RBFOX1: variants seen among roughly 807,000 people sequenced by gnomAD.
The protein encoded by RBFOX1 is RNA binding protein fox-1 homolog 1.
A neutral mutation model predicts 57.7 loss-of-function variants in RBFOX1; 8 were observed. The ratio of observed to expected loss-of-function variants is 0.14; its 90% CI spans 0.08 to 0.25. The LOEUF (loss-of-function observed/expected upper bound fraction) is 0.25. Among genes scored for constraint, RBFOX1 ranks in the 10% least tolerant of loss-of-function variants. RBFOX1 has a pLI of 1.00. For missense variants in RBFOX1, 611 were observed against 548.5 expected, an observed-to-expected ratio of 1.11 and a Z score of -1.14; for synonymous variants, 326 against 222.4, an observed-to-expected ratio of 1.47 and a Z score of -4.15.
At chr16:6,428,543 T>C (rs2093993020) in intron 2 of RBFOX1, among the ~76,000 whole-genome samples, 2 of 152,156 alleles carry the variant, frequency 1.3e-5, no homozygotes, top group Admixed American at 1.3e-4. Context: ...ATCTGTAAAA[T>C]GGAAGTAATT....
chr16:6,556,983 GTATA>G (rs2097106507), intron 2 of RBFOX1, among the ~76,000 whole-genome samples: 1 of 136,916 alleles, frequency 7.3e-6, no homozygotes, highest in South Asian at 2.4e-4. Flanking sequence ...ACACACATAC[GTATA>G]TATACATACA....
chr16:7,479,111 T>G (rs1177112714), intron 4 of RBFOX1, among the ~76,000 whole-genome samples: 1 of 24,990 alleles, frequency 4.0e-5, no homozygotes, highest in African/African-American at 5.8e-5. Flanking sequence ...CAAAACCCAG[T>G]TTTGTTTTTT....
At chr16:5,304,798 C>A (rs1192105845) in intron 1 of RBFOX1, among the ~76,000 whole-genome samples, 1 of 151,780 alleles carries the variant, frequency 6.6e-6, no homozygotes, top group Non-Finnish European at 1.5e-5. Context: ...TGAGCTGAGA[C>A]CTCGAGGACT....
intron 4 of RBFOX1, among the ~76,000 whole-genome samples, chr16:7,292,767 A>T (rs2095817763): frequency 1.3e-5 from 2 of 152,078 alleles, no homozygotes; most frequent in African/African-American, 4.8e-5. Context: ...GAATTATTTT[A>T]TCTGATACGA....
intron 4 of RBFOX1, among the ~76,000 whole-genome samples, chr16:5,928,179 G>C (rs763774341): frequency 1.4e-4 from 22 of 152,028 alleles, no homozygotes; most frequent in Non-Finnish European, 2.5e-4. Flanking sequence ...CTGTAGCCTT[G>C]ATCTCCTGGG....
chr16:5,932,223 G>C (rs1188955929), intron 4 of RBFOX1, among the ~76,000 whole-genome samples: 1 of 152,180 alleles, frequency 6.6e-6, no homozygotes, highest in East Asian at 1.9e-4. Flanking sequence ...GGAAGTTAGA[G>C]ATCAGTGAGA....
intron 3 of RBFOX1, among the ~76,000 whole-genome samples, chr16:6,910,186 G>T (rs1032681000): frequency 1.3e-5 from 2 of 151,990 alleles, no homozygotes; most frequent in Non-Finnish European, 2.9e-5. Context: ...GCAGACTCAA[G>T]CAGAAAATGG....
chr16:5,531,630 A>T (rs1458875950), intron 2 of RBFOX1, among the ~76,000 whole-genome samples: 1 of 135,592 alleles, frequency 7.4e-6, no homozygotes, highest in Non-Finnish European at 1.5e-5. Flanking sequence ...TAGGATTAGC[A>T]ATACCCCATG....
chr16:5,489,032 G>C (rs2042738511), intron 2 of RBFOX1, among the ~76,000 whole-genome samples: 1 of 152,196 alleles, frequency 6.6e-6, no homozygotes, highest in Admixed American at 6.5e-5. Context: ...TCATACATAA[G>C]AACGCCAAGG....
intron 1 of RBFOX1, among the ~76,000 whole-genome samples, chr16:5,359,412 C>T (rs934257972): frequency 2.6e-5 from 4 of 152,198 alleles, no homozygotes; most frequent in African/African-American, 9.6e-5. Flanking sequence ...CAGTGGTTTT[C>T]TAATTTACAT....
chr16:7,435,864 G>A (rs1002722666), intron 4 of RBFOX1, among the ~76,000 whole-genome samples: 15 of 152,212 alleles, frequency 9.9e-5, no homozygotes, highest in Admixed American at 6.5e-5. Flanking sequence ...GTAGGAGTTG[G>A]CCTGCTGGGG....
At chr16:5,423,177 C>A in intron 1 of RBFOX1, among the ~76,000 whole-genome samples, 1 of 152,094 alleles carries the variant, frequency 6.6e-6, no homozygotes, top group South Asian at 2.1e-4. Flanking sequence ...GAAGTTACAA[C>A]AGTAGTAAAT....
chr16:7,477,133 T>C (rs774558414), intron 4 of RBFOX1, among the ~76,000 whole-genome samples: 22 of 152,186 alleles, frequency 1.4e-4, no homozygotes, highest in Non-Finnish European at 2.5e-4. Flanking sequence ...TGTTAAGACC[T>C]GTCACACATG....
chr16:6,927,525 G>A (rs1268637112), intron 3 of RBFOX1, among the ~76,000 whole-genome samples: 1 of 151,132 alleles, frequency 6.6e-6, no homozygotes, highest in African/African-American at 2.4e-5. Context: ...CATGTGAGCA[G>A]ATATTTCTTT....
chr16:6,786,559 C>CA (rs745911269), intron 3 of RBFOX1, among the ~76,000 whole-genome samples: 1 of 151,952 alleles, frequency 6.6e-6, no homozygotes, highest in African/African-American at 2.4e-5. Flanking sequence ...AACAGTAAGC[C>CA]AAAAAACCTC....
intron 1 of RBFOX1, among the ~76,000 whole-genome samples, chr16:6,267,381 C>T (rs750778806): frequency 6.6e-6 from 1 of 152,204 alleles, no homozygotes; most frequent in Non-Finnish European, 1.5e-5. Flanking sequence ...ATTTCACTAT[C>T]TCCTATGTGT....
chr16:6,469,401 A>G (rs900753365), intron 2 of RBFOX1, among the ~76,000 whole-genome samples: 2 of 152,168 alleles, frequency 1.3e-5, no homozygotes, highest in African/African-American at 4.8e-5. Flanking sequence ...AGAGACCCAC[A>G]TAGACAAGTT....
intron 3 of RBFOX1, among the ~76,000 whole-genome samples, chr16:6,828,957 T>G (rs1315609602): frequency 2.0e-5 from 3 of 151,720 alleles, no homozygotes; most frequent in Non-Finnish European, 2.9e-5. Context: ...CCCCCTTTCT[T>G]GAGTGTGTAC....
intron 2 of RBFOX1, among the ~76,000 whole-genome samples, chr16:5,518,427 A>G (rs2043876438): frequency 6.6e-6 from 1 of 152,180 alleles, no homozygotes; most frequent in Non-Finnish European, 1.5e-5. Flanking sequence ...CCATCAGCTC[A>G]AGACTATTCA....
Sources: allele counts gnomAD v4.1 joint callset (sites outside exome capture counted in the v4.1 genomes callset), GRCh38; gene constraint gnomAD v4.1.1; transcripts MANE v1.5; gene names NCBI Gene and HGNC (gene_info 2026-07-23, HGNC 2026-07-21).